Variants in PIK3CG observed in about 807,000 individuals in gnomAD.
The protein encoded by PIK3CG is phosphatidylinositol-4,5-bisphosphate 3-kinase catalytic subunit gamma, also known as phosphatidylinositol 4,5-bisphosphate 3-kinase catalytic subunit gamma isoform.
A neutral mutation model predicts 102.3 loss-of-function variants in PIK3CG; 55 were observed. That is an observed-to-expected ratio of 0.54 (90% CI 0.43 to 0.67). The LOEUF (loss-of-function observed/expected upper bound fraction) is 0.67, where lower values mean the gene tolerates loss of function less well. PIK3CG is among the 30% of genes least tolerant of loss of function. PIK3CG has a pLI of 0.00. For synonymous variants in PIK3CG, 552 were observed against 540.0 expected (o/e 1.02, Z -0.31); for missense variants, 1,258 against 1,391.8 (o/e 0.90, Z 1.53).
Position 106,879,466 on chromosome 7 carries a change from A to T in PIK3CG, c.2392-53A>T, listed in dbSNP as rs1383509736. 1 of 1,406,254 alleles carries T rather than the reference A, an allele frequency of 7.1e-7. No individual in the cohort carries two copies. The highest frequency in any genetic ancestry group is 2.3e-5 in the East Asian group (1 of 43,858). 87.1% of individuals were successfully genotyped at this position (1,406,254 alleles called of 1,614,324 possible). A position where few individuals can be genotyped will look rare whatever the true frequency, so the allele number is the denominator to read the frequency against. ...TTGCAAGAGAATTTGTGTCTCCACCATGTATATTCGTTATTCATTGTGTGT... is the reference window on the plus strand; with the variant it reads ...TTGCAAGAGAATTTGTGTCTCCACCTTGTATATTCGTTATTCATTGTGTGT... On this transcript the variant is annotated intron_variant, in intron 5 of 10. Coordinates refer to ENST00000496166, the MANE Select transcript of PIK3CG (RefSeq NM_001282426.2). The surrounding 1 kb of genome is among the most constrained non-coding windows in gnomAD (Gnocchi z 4.9).
chr7:106,889,555 T>C (rs1791214363), intron 10 of PIK3CG, among the ~76,000 whole-genome samples: 1 of 152,210 alleles, frequency 6.6e-6, no homozygotes, highest in African/African-American at 2.4e-5. Flanking sequence ...GAATTAAAGG[T>C]GTCCTCATTT....
rs1791228171 is a variant in PIK3CG at position 106,890,057 on chromosome 7, A to T, written c.3030+3765A>T. On this transcript the variant is annotated intron_variant, in intron 10 of 10. Coordinates refer to ENST00000496166, the MANE Select transcript of PIK3CG (RefSeq NM_001282426.2). The surrounding 1 kb of genome is among the most constrained non-coding windows in gnomAD (Gnocchi z 4.2). ...ACTCATTGGTAATTTATTCTAGACC[A>T]TGTTATTTTAAATTTCACTGAACAG... Among the ~76,000 whole-genome samples the T allele has an allele frequency of 3.3e-5, 5 of 152,268 alleles. No individual in the cohort carries two copies. Among genetic ancestry groups the T allele is most frequent in the Admixed American group, 2.6e-4 (4 of 15,290 alleles).
In PIK3CG at chr7:106,877,174, G is replaced by A. The variant is rs1266241210; in HGVS notation, c.2392-2345G>A. On this transcript the variant is annotated intron_variant, in intron 5 of 10. Transcript: ENST00000496166. This position sits in a 1 kb window ranked among gnomAD's most constrained non-coding sequence, Gnocchi z 4.5. ...GTTTGTGCCACTGCATTCCAACCTG[G>A]GCTACAGAGCGAGACCCTGTTTCAA... is the stretch of plus-strand genomic sequence containing the variant. Among the ~76,000 whole-genome samples the A allele has an allele frequency of 1.3e-5, 2 of 152,118 alleles. No homozygotes were observed. Among genetic ancestry groups the A allele is most frequent in the Non-Finnish European group, 2.9e-5 (2 of 68,034 alleles).
In PIK3CG at chr7:106,882,191, A is replaced by C. The variant is rs1286300340; in HGVS notation, c.2613A>C (p.Ser871=). ...GCCTCCTGCCATATGGTTGCATTTC[A>C]ACTGGTGACAAAATAGGTATGTAGT... ...DLCLLPYGCI[S]TGDKIGMIEI... is the part of the protein sequence containing the mutation. The change falls in exon 7 of 11, where the codon TCA becomes TCC. Residue 871 remains serine, a synonymous_variant. Transcript: ENST00000496166. 4 of 1,572,976 alleles carry C rather than the reference A, an allele frequency of 2.5e-6. No homozygotes were observed. Among genetic ancestry groups the C allele is most frequent in the Non-Finnish European group, 3.5e-6 (4 of 1,156,560 alleles).
intron 10 of PIK3CG, among the ~76,000 whole-genome samples, chr7:106,886,713 G>T (rs1445872327): frequency 6.6e-6 from 1 of 152,108 alleles, no homozygotes; most frequent in Non-Finnish European, 1.5e-5. Flanking sequence ...GCTTCTCTTG[G>T]TTTTTGCTAC....
rs1224789190 is a variant in PIK3CG, at chr7:106,880,662, T to G, written c.2538+997T>G. ...AGTGAAAGTTTGCCTTTGCCCTTTA[T>G]GTACTTTGTGGTTTTGTTTTTTTTT... On this transcript the variant is annotated intron_variant, in intron 6 of 10. Transcript: ENST00000496166. This position sits in a 1 kb window ranked among gnomAD's most constrained non-coding sequence, Gnocchi z 4.2. Among the ~76,000 whole-genome samples, 4 of 152,200 alleles carry G rather than the reference T, an allele frequency of 2.6e-5. No individual in the cohort carries two copies. The highest frequency in any genetic ancestry group is 2.9e-5 in the Non-Finnish European group (2 of 68,024).
Position 106,879,642 on chromosome 7 carries a change from C to T in PIK3CG, c.2515C>T (p.Arg839Cys), listed in dbSNP as rs774448553. Residue 839 changes from arginine to cysteine, a missense_variant, in exon 6 of 11, where the codon CGC becomes TGC. By Grantham distance (180) the Arg-to-Cys change is radical. This residue lies in a region of PIK3CG where 426 missense variants were observed against 604.2 expected (regional missense o/e 0.71). Coordinates refer to ENST00000496166, the MANE Select transcript of PIK3CG (RefSeq NM_001282426.2). The surrounding 1 kb of genome is among the most constrained non-coding windows in gnomAD (Gnocchi z 4.9). ...TATCTTTAAACATGGTGATGATCTG[C>T]GCCAAGACATGCTTATTTTACAGGT... Reference protein sequence around the residue: ...GIIFKHGDDLRQDMLILQILR... With the variant: ...GIIFKHGDDLCQDMLILQILR... 1.4e-5 allele frequency: 23 copies of T among 1,611,974 alleles called. No individual in the cohort carries two copies. Among genetic ancestry groups the T allele is most frequent in the Non-Finnish European group, 1.7e-5 (20 of 1,178,568 alleles).
intron 10 of PIK3CG, among the ~76,000 whole-genome samples, chr7:106,888,247 T>C (rs545774909): frequency 6.6e-6 from 1 of 152,234 alleles, no homozygotes; most frequent in East Asian, 1.9e-4. Flanking sequence ...CCGACTCTCC[T>C]TCTTTTTGTA....
Position 106,890,183 on chromosome 7 carries a change from G to A in PIK3CG, c.3030+3891G>A, listed in dbSNP as rs922110433. Among the ~76,000 whole-genome samples, 1 of 152,076 alleles carries A rather than the reference G, an allele frequency of 6.6e-6. No homozygotes were observed. The highest frequency in any genetic ancestry group is 1.5e-5 in the Non-Finnish European group (1 of 68,020). The stretch of plus-strand genomic sequence containing the variant: ...TCAGAATGTGTTTTTTATTGTTCTC[G>A]TTGTTTTGTTTTGTTTGAGACGGAG... On this transcript the variant is annotated intron_variant, in intron 10 of 10. Transcript: ENST00000496166. This position sits in a 1 kb window ranked among gnomAD's most constrained non-coding sequence, Gnocchi z 4.2.
chr7:106,905,652 A>C lies in PIK3CG; in HGVS notation c.*265A>C. Reference sequence around the variant, plus strand: ...ATTGGAGAATATTCTCGGTTTAAACAGACTAATGACTTCCTTATTGTCCCT... The same window carrying C: ...ATTGGAGAATATTCTCGGTTTAAACCGACTAATGACTTCCTTATTGTCCCT... On this transcript the variant is annotated 3_prime_UTR_variant, in exon 11 of 11. Transcript: ENST00000496166. This position sits in a 1 kb window ranked among gnomAD's most constrained non-coding sequence, Gnocchi z 5.6. 4.5e-6 allele frequency: 2 copies of C among 445,770 alleles called. No individual in the cohort carries two copies. The highest frequency in any genetic ancestry group is 8.0e-6 in the Non-Finnish European group (2 of 251,260). The allele number at this position is 445,770 out of a possible 1,614,324, so 27.6% of individuals were successfully genotyped here.
rs1179314827 is a variant in PIK3CG, at chr7:106,867,817, G to A, written c.256G>A (p.Asp86Asn). Residue 86 changes from aspartate to asparagine, a missense_variant, in exon 2 of 11, where the codon GAC (aspartate) becomes AAC (asparagine). Transcript: ENST00000496166. This position sits in a 1 kb window ranked among gnomAD's most constrained non-coding sequence, Gnocchi z 5.1. ...AGCGCTGGAGACCAGCGTGGCGGCG[G>A]ACTTCTACCACCGGCTGGGACCGCA... Reference protein sequence around the residue: ...LRALETSVAADFYHRLGPHHF... With the variant: ...LRALETSVAANFYHRLGPHHF... 2 of 1,612,480 alleles carry A rather than the reference G, an allele frequency of 1.2e-6. No individual in the cohort carries two copies. Among genetic ancestry groups the A allele is most frequent in the Non-Finnish European group, 8.5e-7 (1 of 1,179,942 alleles).
chr7:106,879,735 T>C lies in PIK3CG; in HGVS notation c.2538+70T>C. The C allele has an allele frequency of 8.9e-7, 1 of 1,117,776 alleles. No individual in the cohort carries two copies. The highest frequency in any genetic ancestry group is 1.3e-6 in the Non-Finnish European group (1 of 752,940). The allele number at this position is 1,117,776 out of a possible 1,614,324, so 69.2% of individuals were successfully genotyped here. A position where few individuals can be genotyped will look rare whatever the true frequency, so the allele number is the denominator to read the frequency against. On this transcript the variant is annotated intron_variant, in intron 6 of 10. Transcript: ENST00000496166. The surrounding 1 kb of genome is among the most constrained non-coding windows in gnomAD (Gnocchi z 4.9). ...TATATTACATCAAAAACATGCTTTC[T>C]CCTACTGGCTCTATTCCCACTCTCT...
In PIK3CG at chr7:106,884,819, G is replaced by C. The variant is rs763603059; in HGVS notation, c.2872+553G>C. On this transcript the variant is annotated intron_variant, in intron 9 of 10. Coordinates refer to ENST00000496166, the MANE Select transcript of PIK3CG (RefSeq NM_001282426.2). This position sits in a 1 kb window ranked among gnomAD's most constrained non-coding sequence, Gnocchi z 4.2. The stretch of plus-strand genomic sequence containing the variant: ...AAGGAATTGATTTATTATGGTCTCT[G>C]TGCAGTGAAACCTCTCTGCTAATGT... Among the ~76,000 whole-genome samples, 4 of 152,102 alleles carry C rather than the reference G, an allele frequency of 2.6e-5. No homozygotes were observed. The highest frequency in any genetic ancestry group is 9.7e-5 in the African/African-American group (4 of 41,408).
chr7:106,901,508 C>T (rs1317132275), intron 10 of PIK3CG, among the ~76,000 whole-genome samples: 2 of 152,192 alleles, frequency 1.3e-5, no homozygotes, highest in Non-Finnish European at 2.9e-5. Flanking sequence ...TGCCATCCTC[C>T]TGAATCTCAA....
intron 10 of PIK3CG, among the ~76,000 whole-genome samples, chr7:106,901,310 T>C (rs1791547619): frequency 6.6e-6 from 1 of 152,162 alleles, no homozygotes; most frequent in Non-Finnish European, 1.5e-5. Flanking sequence ...AGAACCAGTC[T>C]TCAAGTTCTG....
chr7:106,882,349 T>C (rs956444028), intron 7 of PIK3CG, 142 bp downstream of exon 7: 31 of 399,844 alleles, frequency 7.8e-5, no homozygotes, highest in Admixed American at 3.1e-4. Flanking sequence ...TGCTGGTGAA[T>C]GTGACTCTCA....
In PIK3CG at chr7:106,884,031, C is replaced by T. The variant is rs931703637; in HGVS notation, c.2761-124C>T. 5 of 706,924 alleles carry T rather than the reference C, an allele frequency of 7.1e-6. No individual in the cohort carries two copies. In the East Asian group the frequency reaches 1.3e-4, roughly 18 times the overall value. 43.8% of individuals were successfully genotyped at this position (706,924 alleles called of 1,614,324 possible). On this transcript the variant is annotated intron_variant, in intron 8 of 10. Transcript: ENST00000496166. The surrounding 1 kb of genome is among the most constrained non-coding windows in gnomAD (Gnocchi z 4.2). ...TTCATAGATATAATGCTAATGAAAT[C>T]AGGCACAACTAACTTGCTCTCTGAA... is the stretch of plus-strand genomic sequence containing the variant.
intron 10 of PIK3CG, among the ~76,000 whole-genome samples, 153 bp from the exon 11 acceptor site, chr7:106,904,956 T>A (rs1791649789): frequency 6.6e-6 from 1 of 152,222 alleles, no homozygotes; most frequent in African/African-American, 2.4e-5. Context: ...TAAAAACAGT[T>A]TCTCATCAAG....
chr7:106,874,538 A>G lies in PIK3CG; in HGVS notation c.2288-162A>G, dbSNP rs1790654426. On this transcript the variant is annotated intron_variant, in intron 4 of 10. Transcript: ENST00000496166. The surrounding 1 kb of genome is among the most constrained non-coding windows in gnomAD (Gnocchi z 4.3). The stretch of plus-strand genomic sequence containing the variant: ...AGCCCAATGTATCTTGCCACCTCAT[A>G]TGGTTAGCTCCTCAAAGGCAGGGCC... Among the ~76,000 whole-genome samples, 1 of 152,184 alleles carries G rather than the reference A, an allele frequency of 6.6e-6. No individual in the cohort carries two copies. The highest frequency in any genetic ancestry group is 2.4e-5 in the African/African-American group (1 of 41,442).
Sources: gnomAD v4.1 joint callset for allele counts (sites outside exome capture counted in the v4.1 genomes callset) on GRCh38, gnomAD v4.1.1 for gene constraint, gnomAD v4.1.1 regional missense constraint, Gnocchi (gnomAD v3.1) non-coding constraint, MANE v1.5 for transcripts, NCBI Gene and HGNC (gene_info 2026-07-23, HGNC 2026-07-21) for gene names.